Variants in RBFOX1 observed in about 807,000 individuals in gnomAD.
The protein encoded by RBFOX1 is RNA binding protein fox-1 homolog 1.
Under a neutral mutation model 57.7 loss-of-function variants are expected in RBFOX1, and 8 were observed. The ratio of observed to expected loss-of-function variants is 0.14; its 90% CI spans 0.08 to 0.25. The LOEUF is 0.25. RBFOX1 is among the 10% of genes least tolerant of loss of function. RBFOX1 has a pLI of 1.00. For synonymous variants in RBFOX1, 326 were observed against 222.4 expected (o/e 1.47, Z -4.15); for missense variants, 611 against 548.5 (o/e 1.11, Z -1.14).
intron 14 of RBFOX1, among the ~76,000 whole-genome samples, chr16:7,690,509 T>C (rs1196228606): frequency 6.6e-6 from 1 of 152,064 alleles, no homozygotes; most frequent in Non-Finnish European, 1.5e-5. Flanking sequence ...CAGACCAGTT[T>C]GTGGAAAATC....
intron 2 of RBFOX1, among the ~76,000 whole-genome samples, chr16:5,469,373 T>A (rs1196719168): frequency 6.6e-6 from 1 of 152,076 alleles, no homozygotes; most frequent in African/African-American, 2.4e-5. Context: ...TCTAATGAAG[T>A]GTTTGTTGTG....
At chr16:6,186,144 A>T (rs971213534) in intron 1 of RBFOX1, among the ~76,000 whole-genome samples, 2 of 152,106 alleles carry the variant, frequency 1.3e-5, no homozygotes, top group Non-Finnish European at 1.5e-5. Flanking sequence ...TGATCTGTAA[A>T]CTCAACAAAA....
chr16:7,246,086 C>G (rs1209500832), intron 4 of RBFOX1, among the ~76,000 whole-genome samples: 3 of 151,298 alleles, frequency 2.0e-5, no homozygotes, highest in Admixed American at 1.3e-4. Context: ...TTACTTTTAT[C>G]TAAGCAAATA....
intron 4 of RBFOX1, among the ~76,000 whole-genome samples, chr16:7,231,397 G>C (rs1009436944): frequency 6.6e-6 from 1 of 152,146 alleles, no homozygotes; most frequent in African/African-American, 2.4e-5. Context: ...AGGGAGTATA[G>C]CTGTGTTCAC....
intron 14 of RBFOX1, among the ~76,000 whole-genome samples, chr16:7,688,231 G>A (rs1227454399): frequency 1.1e-4 from 4 of 37,646 alleles, no homozygotes; most frequent in Non-Finnish European, 2.0e-4. Flanking sequence ...ATGTGTGTGT[G>A]TGTGTGTGTG....
At chr16:6,788,741 C>A (rs567247451) in intron 3 of RBFOX1, among the ~76,000 whole-genome samples, 1 of 147,922 alleles carries the variant, frequency 6.8e-6, no homozygotes, top group African/African-American at 2.6e-5. Context: ...TCCCAGAGTG[C>A]TGGGATTACA....
chr16:6,876,808 C>G (rs1377013919), intron 3 of RBFOX1, among the ~76,000 whole-genome samples: 3 of 152,010 alleles, frequency 2.0e-5, no homozygotes, highest in African/African-American at 7.3e-5. Context: ...ACTGTATCTG[C>G]TAAAACTGAC....
At chr16:5,558,538 T>A (rs938681558) in intron 2 of RBFOX1, among the ~76,000 whole-genome samples, 1 of 152,134 alleles carries the variant, frequency 6.6e-6, no homozygotes, top group Non-Finnish European at 1.5e-5. Flanking sequence ...GAGACACTCC[T>A]GAGATCCTTA....
intron 4 of RBFOX1, among the ~76,000 whole-genome samples, chr16:7,278,737 A>T (rs2095487663): frequency 2.6e-5 from 4 of 152,228 alleles, no homozygotes; most frequent in Admixed American, 2.6e-4. Context: ...TGATGTATTC[A>T]GTTTGAACTT....
At chr16:7,092,068 A>G (rs1434048186) in intron 4 of RBFOX1, among the ~76,000 whole-genome samples, 2 of 152,230 alleles carry the variant, frequency 1.3e-5, no homozygotes, top group African/African-American at 2.4e-5. Flanking sequence ...CACCTAAGAT[A>G]TATGCTGGAA....
chr16:6,077,208 C>T (rs1885593235), intron 1 of RBFOX1, among the ~76,000 whole-genome samples: 1 of 152,162 alleles, frequency 6.6e-6, no homozygotes, highest in South Asian at 2.1e-4. Context: ...TCAGCCCCTG[C>T]CACGGTTCTC....
intron 3 of RBFOX1, among the ~76,000 whole-genome samples, chr16:6,965,492 A>T (rs1416117323): frequency 6.6e-6 from 1 of 152,016 alleles, no homozygotes; most frequent in Non-Finnish European, 1.5e-5. Context: ...GTGCGCCACC[A>T]TGCCTGGCTA....
At chr16:7,661,150 C>T (rs940506896) in intron 12 of RBFOX1, among the ~76,000 whole-genome samples, 6 of 152,152 alleles carry the variant, frequency 3.9e-5, no homozygotes, top group Non-Finnish European at 5.9e-5. Context: ...CATTACATGG[C>T]TTTATTTCAC....
chr16:6,631,942 G>A (rs757918160), intron 2 of RBFOX1, among the ~76,000 whole-genome samples: 16 of 152,202 alleles, frequency 1.1e-4, no homozygotes, highest in Non-Finnish European at 1.9e-4. Context: ...TAGCGAAATG[G>A]GCAAAGAGCT....
intron 2 of RBFOX1, among the ~76,000 whole-genome samples, chr16:5,513,118 C>G (rs536520759): frequency 4.7e-4 from 72 of 152,276 alleles, no homozygotes; most frequent in Non-Finnish European, 7.1e-4. Context: ...TGTTACTATG[C>G]TGTCCAGGCT....
chr16:5,889,811 A>G (rs933285021), intron 4 of RBFOX1, among the ~76,000 whole-genome samples: 6 of 152,248 alleles, frequency 3.9e-5, no homozygotes, highest in Admixed American at 3.9e-4. Context: ...TTGGCAAGAC[A>G]AAAGCAGACG....
At chr16:6,987,396 G>T (rs992048475) in intron 3 of RBFOX1, among the ~76,000 whole-genome samples, 1 of 150,194 alleles carries the variant, frequency 6.7e-6, no homozygotes. Context: ...TCTGATTCCA[G>T]GCCCAGGTTA....
chr16:6,965,839 G>T (rs182850353), intron 3 of RBFOX1, among the ~76,000 whole-genome samples: 3 of 151,972 alleles, frequency 2.0e-5, no homozygotes, highest in African/African-American at 7.3e-5. Context: ...AGGTGCTGTC[G>T]CATCCATGGG....
At chr16:7,173,700 G>GT (rs1050257979) in intron 4 of RBFOX1, among the ~76,000 whole-genome samples, 8 of 152,166 alleles carry the variant, frequency 5.3e-5, no homozygotes, top group Non-Finnish European at 1.2e-4. Context: ...CATTTAGGAT[G>GT]TTTTTTATTT....
Sources: gnomAD v4.1 joint callset for allele counts (sites outside exome capture counted in the v4.1 genomes callset) on GRCh38, gnomAD v4.1.1 for gene constraint, MANE v1.5 for transcripts, NCBI Gene and HGNC (gene_info 2026-07-23, HGNC 2026-07-21) for gene names.